The following CDH13 variants were observed in gnomAD, a reference collection of about 807,000 sequenced individuals.
CDH13 encodes the protein cadherin-13.
Under a neutral mutation model 63.8 loss-of-function variants are expected in CDH13, and 24 were observed. The observed-to-expected ratio is 0.38, with a 90% CI of 0.27 to 0.53. The LOEUF is 0.53. CDH13 is among the 20% of genes least tolerant of loss of function. The pLI is 0.85. For missense variants in CDH13, 1,049 were observed against 903.1 expected, an observed-to-expected ratio of 1.16 and a Z score of -2.07; for synonymous variants, 503 against 355.3, an observed-to-expected ratio of 1.42 and a Z score of -4.67.
Position 83,449,044 on chromosome 16 carries a change from G to C in CDH13, c.782-37433G>C, listed in dbSNP as rs555464630. 1.4e-3 allele frequency among the ~76,000 whole-genome samples: 212 copies of C among 152,316 alleles called. 1 individual carries two copies. The highest frequency in any genetic ancestry group is 0.014 in the Middle Eastern group (4 of 294). On this transcript the variant is annotated intron_variant, in intron 6 of 13. Coordinates refer to ENST00000567109, the MANE Select transcript of CDH13 (RefSeq NM_001257.5). ...CTCAACAAAAGGGAGACCTGGGCTA[G>C]TTTTAGACTCGAGAATAGATCAAGG...
rs962904132 is a variant in CDH13, at chr16:82,627,223, G to C, written c.45+86G>C. On this transcript the variant is annotated intron_variant, in intron 1 of 13. Coordinates refer to ENST00000567109, the MANE Select transcript of CDH13 (RefSeq NM_001257.5). The stretch of plus-strand genomic sequence containing the variant: ...CACGGGCAGGGTGAGGGGGCTTTCG[G>C]GGGGTCGGGGCCTCCGGTCGCGGCG... 1.9e-5 allele frequency: 22 copies of C among 1,184,406 alleles called. No individual in the cohort carries two copies. In the African/African-American group the frequency reaches 2.9e-4, roughly 15 times the overall value. 73.4% of individuals were successfully genotyped at this position (1,184,406 alleles called of 1,614,324 possible).
intron 3 of CDH13, among the ~76,000 whole-genome samples, chr16:83,088,850 C>T (rs535940817): frequency 4.6e-5 from 7 of 152,162 alleles, no homozygotes; most frequent in African/African-American, 9.7e-5. Flanking sequence ...AAGTTTAGAA[C>T]AGAGATTTTT....
chr16:82,937,806 T>G (rs1207874251), intron 2 of CDH13, among the ~76,000 whole-genome samples: 1 of 152,258 alleles, frequency 6.6e-6, no homozygotes, highest in African/African-American at 2.4e-5. Context: ...ATTTGTAGAT[T>G]TAATGTTGTT....
At chr16:82,666,250 G>C (rs1433105357) in intron 1 of CDH13, among the ~76,000 whole-genome samples, 1 of 152,220 alleles carries the variant, frequency 6.6e-6, no homozygotes, top group Non-Finnish European at 1.5e-5. Context: ...CAGAAACACA[G>C]GGGAATGGAA....
intron 4 of CDH13, among the ~76,000 whole-genome samples, chr16:83,141,164 G>A (rs988968048): frequency 2.6e-5 from 4 of 152,126 alleles, no homozygotes; most frequent in Non-Finnish European, 4.4e-5. Flanking sequence ...TATTAAAGCC[G>A]GAGGGGCTCT....
In CDH13 at chr16:82,982,780, G is replaced by A. The variant is rs540118855; in HGVS notation, c.158-49230G>A. On this transcript the variant is annotated intron_variant, in intron 2 of 13. Transcript: ENST00000567109. ...AACTAATTCTGTTCCTTGTCCTGAT[G>A]AGCTTCCTTCTACAAATGGCCCTAA... 3.7e-4 allele frequency among the ~76,000 whole-genome samples: 56 copies of A among 152,244 alleles called. 1 individual carries two copies. Among genetic ancestry groups the A allele is most frequent in the Admixed American group, 3.2e-3 (49 of 15,288 alleles).
intron 5 of CDH13, among the ~76,000 whole-genome samples, chr16:83,302,103 T>C (rs2089762255): frequency 6.6e-6 from 1 of 152,190 alleles, no homozygotes; most frequent in South Asian, 2.1e-4. Context: ...GAGTACTACG[T>C]GATGTAACAC....
chr16:82,629,067 C>T (rs1243757737), intron 1 of CDH13, among the ~76,000 whole-genome samples: 4 of 152,210 alleles, frequency 2.6e-5, no homozygotes, highest in African/African-American at 9.7e-5. Context: ...AGGTTTCAAC[C>T]TCAGTTCATA....
intron 3 of CDH13, among the ~76,000 whole-genome samples, chr16:83,078,302 G>A (rs528920430): frequency 6.6e-6 from 1 of 152,156 alleles, no homozygotes; most frequent in African/African-American, 2.4e-5. Context: ...TGGCACCAGG[G>A]ACTGGTTTCA....
chr16:82,807,601 C>G (rs1305404676), intron 1 of CDH13, among the ~76,000 whole-genome samples: 1 of 152,076 alleles, frequency 6.6e-6, no homozygotes, highest in East Asian at 1.9e-4. Flanking sequence ...GGAAGTGCAA[C>G]CATTTACACT....
intron 4 of CDH13, among the ~76,000 whole-genome samples, chr16:83,129,962 C>CCT (rs372955032): frequency 1.9e-3 from 286 of 152,250 alleles, no homozygotes; most frequent in Non-Finnish European, 2.9e-3. Flanking sequence ...CCTGTACTTG[C>CCT]CTCTCTCTCT....
chr16:82,721,085 A>T (rs1031916761), intron 1 of CDH13, among the ~76,000 whole-genome samples: 1 of 152,218 alleles, frequency 6.6e-6, no homozygotes, highest in Non-Finnish European at 1.5e-5. Context: ...ATTTGCTCCA[A>T]GGGTGCTCAG....
chr16:83,371,700 A>G (rs1363294991), intron 6 of CDH13, among the ~76,000 whole-genome samples: 1 of 152,242 alleles, frequency 6.6e-6, no homozygotes, highest in Non-Finnish European at 1.5e-5. Flanking sequence ...ATACTTACAT[A>G]TGAATCACTG....
At chr16:83,073,376 A>AGAGAGC (rs1376991752) in intron 3 of CDH13, among the ~76,000 whole-genome samples, 1 of 146,466 alleles carries the variant, frequency 6.8e-6, no homozygotes, top group African/African-American at 2.6e-5. Context: ...AGAGAGAGAG[A>AGAGAGC]GCTTTCTTAA....
At chr16:83,160,134 T>C (rs1343774334) in intron 4 of CDH13, among the ~76,000 whole-genome samples, 1 of 152,068 alleles carries the variant, frequency 6.6e-6, no homozygotes, top group Non-Finnish European at 1.5e-5. Flanking sequence ...TGCTGTTGGA[T>C]GTACCATGAT....
intron 2 of CDH13, among the ~76,000 whole-genome samples, chr16:82,995,103 T>G (rs78090194): frequency 0.013 from 2,020 of 152,326 alleles, 24 homozygotes; most frequent in Non-Finnish European, 0.021. Context: ...CCCGTCATTT[T>G]AATCATCACT....
intron 6 of CDH13, among the ~76,000 whole-genome samples, chr16:83,377,717 T>C (rs1597868241): frequency 1.3e-5 from 2 of 152,196 alleles, no homozygotes; most frequent in African/African-American, 4.8e-5. Context: ...ACTTATGCCA[T>C]TTCTTGAGAA....
intron 2 of CDH13, among the ~76,000 whole-genome samples, chr16:82,968,609 T>G (rs1027081478): frequency 6.6e-6 from 1 of 152,134 alleles, no homozygotes; most frequent in Non-Finnish European, 1.5e-5. Context: ...CCTGAAAACA[T>G]GGATTTAGAT....
chr16:83,671,439 A>G (rs1259189843), intron 9 of CDH13, among the ~76,000 whole-genome samples: 1 of 152,002 alleles, frequency 6.6e-6, no homozygotes, highest in Non-Finnish European at 1.5e-5. Context: ...AGTAGAGATG[A>G]GGTCTCACCA....
Sources: gnomAD v4.1 joint callset for allele counts (sites outside exome capture counted in the v4.1 genomes callset) on GRCh38, gnomAD v4.1.1 for gene constraint, MANE v1.5 for transcripts, NCBI Gene and HGNC (gene_info 2026-07-23, HGNC 2026-07-21) for gene names.